Variants in ZNF345 observed in about 807,000 individuals in gnomAD.
ZNF345 encodes zinc finger protein 345, also known as zinc finger protein HZF10.
For synonymous variants in ZNF345, 166 were observed against 187.9 expected, an observed-to-expected ratio of 0.88 and a Z score of 0.95; for missense variants, 527 against 589.9, an observed-to-expected ratio of 0.89 and a Z score of 1.10.
At chr19:36,885,870 T>C (rs1429198650) in intron 3 of ZNF345, among the ~76,000 whole-genome samples, 1 of 152,178 alleles carries the variant, frequency 6.6e-6, no homozygotes, top group African/African-American at 2.4e-5. Context: ...TAATGAAAAG[T>C]AAATTCTTTC....
intron 2 of ZNF345, among the ~76,000 whole-genome samples, chr19:36,859,948 A>G (rs980444581): frequency 6.6e-6 from 1 of 151,564 alleles, no homozygotes; most frequent in Non-Finnish European, 1.5e-5. Flanking sequence ...ACTAAGTTGC[A>G]GATTTTTTTG....
chr19:36,859,316 C>T (rs2072494553), intron 2 of ZNF345, among the ~76,000 whole-genome samples: 1 of 151,886 alleles, frequency 6.6e-6, no homozygotes, highest in African/African-American at 2.4e-5. Flanking sequence ...CCGCCACACC[C>T]AGCTAATATT....
chr19:36,865,786 G>A (rs1009005626), intron 2 of ZNF345, among the ~76,000 whole-genome samples: 8 of 152,082 alleles, frequency 5.3e-5, no homozygotes, highest in African/African-American at 1.7e-4. Flanking sequence ...CATATTTGAC[G>A]TGTCCCTTCC....
At chr19:36,876,579 C>G (rs1055588949) in intron 2 of ZNF345, among the ~76,000 whole-genome samples, 1 of 152,042 alleles carries the variant, frequency 6.6e-6, no homozygotes, top group African/African-American at 2.4e-5. Context: ...TCCTGAAAAC[C>G]TCCTCCACTT....
chr19:36,889,902 T>C (rs567507201), intron 3 of ZNF345: 1 of 152,214 alleles, frequency 6.6e-6, no homozygotes, highest in Non-Finnish European at 1.5e-5. Context: ...GTGTAGGCAT[T>C]TAATGCTATA....
At position 36,887,993 on chromosome 19, in the gene ZNF345, C is replaced by T. The variant is rs979437978; in HGVS notation, c.47-4825C>T. On this transcript the variant is annotated intron_variant, in intron 3 of 3. Coordinates refer to the ZNF345 transcript ENST00000526123. ...AAGATTTCTGCTTATTAAAAAATAC[C>T]AAAGAGGCCAAAAGATTAGGAAAAG... 5 of 151,800 alleles carry T rather than the reference C, an allele frequency of 3.3e-5. No individual in the cohort carries two copies. The East Asian group carries it at 9.6e-4, about 29-fold the overall frequency. The allele number at this position is 151,800 out of a possible 1,614,324, so 9.4% of individuals were successfully genotyped here.
chr19:36,852,128 C>CTTTTTTTTTTTTTTTTTTTT (rs35747733), intron 2 of ZNF345, among the ~76,000 whole-genome samples: 45 of 102,668 alleles, frequency 4.4e-4, no homozygotes, highest in South Asian at 9.8e-4. Flanking sequence ...TTCTTTCTTT[C>CTTTTTTTTTTTTTTTTTTTT]TTTTTTTTTT....
At chr19:36,887,311 AG>A (rs1389173841) in intron 3 of ZNF345, among the ~76,000 whole-genome samples, 1 of 151,586 alleles carries the variant, frequency 6.6e-6, no homozygotes, top group African/African-American at 2.4e-5. Context: ...AGAAAAAGGA[AG>A]AAAAGCTTAA....
At chr19:36,884,449 A>G (rs2072985605), downstream of ZNF345, among the ~76,000 whole-genome samples, 1 of 152,172 alleles carries the variant, frequency 6.6e-6, no homozygotes, top group South Asian at 2.1e-4. Flanking sequence ...GGGTCCAAAG[A>G]TGAGTCTTCT....
chr19:36,892,149 A>G, intron 3 of ZNF345: 1 of 1,614,092 alleles, frequency 6.2e-7, no homozygotes, highest in Non-Finnish European at 8.5e-7. Context: ...CACATTCCTT[A>G]CATTCATAGG....
chr19:36,854,699 C>A (rs1011693621), intron 2 of ZNF345: 2 of 151,966 alleles, frequency 1.3e-5, no homozygotes, highest in Non-Finnish European at 2.9e-5. Flanking sequence ...TTCTCAAATA[C>A]GTTTTTGGAA....
rs753670661 is a variant in ZNF345 at position 36,862,663 on chromosome 19, CAAAAA to C, written c.-47+10779_-47+10783del. On this transcript the variant is annotated intron_variant, in intron 2 of 2. Transcript: ENST00000420450. Reference sequence around the variant, plus strand: ...TGGGCGACAGAGTGAGACCCAGTCTCAAAAAAAAAAAAAAAAAAAAAAAAGTTAAA... The same window carrying C: ...TGGGCGACAGAGTGAGACCCAGTCTCAAAAAAAAAAAAAAAAAAAGTTAAA... Among the ~76,000 whole-genome samples, 380 of 39,952 alleles carry C rather than the reference CAAAAA, an allele frequency of 9.5e-3. 4 individuals carry two copies. The highest frequency in any genetic ancestry group is 0.03 in the African/African-American group (363 of 12,298). 26.2% of individuals were successfully genotyped at this position (39,952 alleles called of 152,430 possible).
At chr19:36,870,465 T>G (rs1046457459) in intron 2 of ZNF345, among the ~76,000 whole-genome samples, 1 of 152,192 alleles carries the variant, frequency 6.6e-6, no homozygotes, top group Non-Finnish European at 1.5e-5. Flanking sequence ...TGCGTTGAGT[T>G]CTTTGTTTCT....
At chr19:36,884,851 G>A (rs918319164) in intron 3 of ZNF345, among the ~76,000 whole-genome samples, 1 of 152,066 alleles carries the variant, frequency 6.6e-6, no homozygotes, top group Admixed American at 6.5e-5. Flanking sequence ...CCTCTCTTTG[G>A]GTGAAGTTAA....
chr19:36,879,729 A>G (rs1429144952), downstream of ZNF345, among the ~76,000 whole-genome samples: 1 of 152,128 alleles, frequency 6.6e-6, no homozygotes, highest in Non-Finnish European at 1.5e-5. Flanking sequence ...TTCCTTTCCA[A>G]TGTTAACCAA....
chr19:36,868,169 A>T (rs1339933085), intron 2 of ZNF345, among the ~76,000 whole-genome samples: 2 of 151,108 alleles, frequency 1.3e-5, no homozygotes, highest in African/African-American at 2.4e-5. Flanking sequence ...CGCCCAGCTA[A>T]TTTTTTTTAC....
intron 2 of ZNF345, among the ~76,000 whole-genome samples, chr19:36,867,620 G>GT (rs1440792707): frequency 6.6e-6 from 1 of 152,028 alleles, no homozygotes; most frequent in African/African-American, 2.4e-5. Flanking sequence ...TAGAAATTCT[G>GT]TTTTTTTGAA....
intron 2 of ZNF345, among the ~76,000 whole-genome samples, chr19:36,871,744 AT>A (rs957219372): frequency 6.6e-6 from 1 of 151,586 alleles, no homozygotes; most frequent in Non-Finnish European, 1.5e-5. Flanking sequence ...GCAGTCTCTC[AT>A]TTTTTGTTTT....
chr19:36,877,013 C>T lies in ZNF345; in HGVS notation c.183C>T (p.Leu61=). The change falls in exon 3 of 3, where the codon CTC becomes CTT. Residue 61 remains leucine, a synonymous_variant. Coordinates refer to ENST00000420450, the MANE Select transcript of ZNF345 (RefSeq NM_001242472.2). The stretch of plus-strand genomic sequence containing the variant: ...AGAGAATTCATACTGATGAGAAACT[C>T]CTTGAATGTAAGGAATGTGGGAAGG... ...QHQRIHTDEK[L]LECKECGKDF... is the part of the protein sequence containing the mutation. 1.2e-6 allele frequency: 2 copies of T among 1,614,104 alleles called. No individual in the cohort carries two copies. Among genetic ancestry groups the T allele is most frequent in the Non-Finnish European group, 1.7e-6 (2 of 1,179,988 alleles).
Sources: gnomAD v4.1 joint callset for allele counts (sites outside exome capture counted in the v4.1 genomes callset) on GRCh38, gnomAD v4.1.1 for gene constraint, MANE v1.5 for transcripts, NCBI Gene and HGNC (gene_info 2026-07-23, HGNC 2026-07-21) for gene names.